DCUN1D3: variants seen among roughly 807,000 people sequenced by gnomAD.
DCUN1D3 encodes the protein DCN1-like protein 3.
In DCUN1D3, 6 loss-of-function variants were observed where a neutral mutation model predicts 24.8. That is an observed-to-expected ratio of 0.24 (90% CI 0.13 to 0.48). The LOEUF (loss-of-function observed/expected upper bound fraction) is 0.48, where lower values mean the gene tolerates loss of function less well. Among genes scored for constraint, DCUN1D3 ranks in the 20% least tolerant of loss-of-function variants. DCUN1D3 has a pLI of 0.99. For synonymous variants in DCUN1D3, 120 were observed against 144.9 expected, an observed-to-expected ratio of 0.83 and a Z score of 1.24; for missense variants, 258 against 379.4, an observed-to-expected ratio of 0.68 and a Z score of 2.66.
intron 1 of DCUN1D3, among the ~76,000 whole-genome samples, chr16:20,869,254 G>A (rs765038273): frequency 3.2e-4 from 49 of 152,374 alleles, no homozygotes; most frequent in Middle Eastern, 3.4e-3. Context: ...ACTCTCAACT[G>A]TGTCTTACAG....
intron 1 of DCUN1D3, among the ~76,000 whole-genome samples, chr16:20,898,450 T>C (rs948659068): frequency 1.3e-5 from 2 of 152,212 alleles, no homozygotes; most frequent in Non-Finnish European, 2.9e-5. Context: ...CCTGAAACAC[T>C]GGCTAGCACT....
intron 1 of DCUN1D3, among the ~76,000 whole-genome samples, chr16:20,891,269 G>A (rs1390616753): frequency 2.0e-5 from 3 of 152,148 alleles, no homozygotes; most frequent in Non-Finnish European, 4.4e-5. Flanking sequence ...TGGGATTACC[G>A]GCGTGAGCCA....
chr16:20,862,743 G>T, intron 1 of DCUN1D3, 100 bp from the exon 2 acceptor site: 1 of 1,173,600 alleles, frequency 8.5e-7, no homozygotes. Flanking sequence ...ATTTCCATGA[G>T]CCAACAACGA....
rs1218992196 is a variant in DCUN1D3 at position 20,858,966 on chromosome 16, C to A, written c.*920G>T. 1 of 144,900 alleles carries A rather than the reference C, an allele frequency of 6.9e-6. No homozygotes were observed. The highest frequency in any genetic ancestry group is 2.6e-5 in the African/African-American group (1 of 38,840). 9.0% of individuals were successfully genotyped at this position (144,900 alleles called of 1,614,324 possible). A position where few individuals can be genotyped will look rare whatever the true frequency, so the allele number is the denominator to read the frequency against. On this transcript the variant is annotated 3_prime_UTR_variant, in exon 3 of 3. Coordinates refer to ENST00000324344, the MANE Select transcript of DCUN1D3 (RefSeq NM_173475.4). ...TTGGCTCCAAGGCAAATGAAACAAA[C>A]AAACAAAAAAAAGTATTTCCACTTA...
chr16:20,869,205 G>A (rs568556148), intron 1 of DCUN1D3, among the ~76,000 whole-genome samples: 2 of 152,360 alleles, frequency 1.3e-5, no homozygotes, highest in East Asian at 3.9e-4. Context: ...GGCAGATCAT[G>A]AAATGACAAC....
At chr16:20,898,659 T>C (rs1160408819) in intron 1 of DCUN1D3, among the ~76,000 whole-genome samples, 1 of 152,208 alleles carries the variant, frequency 6.6e-6, no homozygotes, top group East Asian at 1.9e-4. Context: ...GAATAGGACT[T>C]CCTAGCATCA....
rs186215943 is a variant in DCUN1D3 at position 20,884,866 on chromosome 16, T to C, written c.-106+15338A>G. Among the ~76,000 whole-genome samples the C allele has an allele frequency of 7.9e-5, 12 of 152,268 alleles. No homozygotes were observed. In the East Asian group the frequency reaches 1.5e-3, roughly 20 times the overall value. On this transcript the variant is annotated intron_variant, in intron 1 of 2. Coordinates refer to ENST00000324344, the MANE Select transcript of DCUN1D3 (RefSeq NM_173475.4). Reference sequence around the variant, plus strand: ...TGAAGTTCGAGGTTGCAGGGAACCATGATTAGGCTACTGCACTCAGCCTGG... The same window carrying C: ...TGAAGTTCGAGGTTGCAGGGAACCACGATTAGGCTACTGCACTCAGCCTGG...
At chr16:20,864,547 T>C (rs898389093) in intron 1 of DCUN1D3, among the ~76,000 whole-genome samples, 2 of 148,764 alleles carry the variant, frequency 1.3e-5, no homozygotes, top group African/African-American at 5.0e-5. Context: ...CTGGTGGGAG[T>C]GTAAATTACT....
chr16:20,880,405 G>C (rs1285609474), intron 1 of DCUN1D3, among the ~76,000 whole-genome samples: 2 of 151,932 alleles, frequency 1.3e-5, no homozygotes, highest in African/African-American at 4.8e-5. Context: ...TTCGAGACCA[G>C]CTTGGGCAAC....
intron 1 of DCUN1D3, among the ~76,000 whole-genome samples, chr16:20,892,973 T>C (rs774752190): frequency 6.6e-6 from 1 of 152,156 alleles, no homozygotes. Context: ...ATGAAGAGTT[T>C]GTGACAAAAT....
At chr16:20,883,294 C>CCT (rs2081853559) in intron 1 of DCUN1D3, among the ~76,000 whole-genome samples, 1 of 151,902 alleles carries the variant, frequency 6.6e-6, no homozygotes. Context: ...GGACGGATCA[C>CCT]GAGGTCAGGA....
chr16:20,886,064 G>GGAA (rs1555497633), intron 1 of DCUN1D3, among the ~76,000 whole-genome samples: 13 of 136,518 alleles, frequency 9.5e-5, no homozygotes, highest in African/African-American at 3.1e-4. Flanking sequence ...TTTTTTCATT[G>GGAA]AAAAAAAAAA....
At chr16:20,892,946 G>C (rs961759332) in intron 1 of DCUN1D3, among the ~76,000 whole-genome samples, 3 of 152,070 alleles carry the variant, frequency 2.0e-5, no homozygotes, top group Admixed American at 1.3e-4. Context: ...TTCACTATAG[G>C]GAGTCTTCTT....
intron 1 of DCUN1D3, among the ~76,000 whole-genome samples, chr16:20,871,488 T>C (rs1036651356): frequency 1.1e-4 from 16 of 152,348 alleles, no homozygotes; most frequent in Admixed American, 3.3e-4. Flanking sequence ...TAAAGTCATT[T>C]CTTTTTGAAA....
intron 1 of DCUN1D3, among the ~76,000 whole-genome samples, chr16:20,893,828 G>A (rs942209184): frequency 6.6e-6 from 1 of 152,204 alleles, no homozygotes; most frequent in Non-Finnish European, 1.5e-5. Flanking sequence ...GCTATGACTT[G>A]AGACTCGTTC....
chr16:20,880,512 G>A (rs1481952581), intron 1 of DCUN1D3, among the ~76,000 whole-genome samples: 1 of 144,054 alleles, frequency 6.9e-6, no homozygotes, highest in African/African-American at 2.5e-5. Flanking sequence ...GACTGAGATA[G>A]GAGGATCCCT....
chr16:20,897,162 T>TCAAAGAACA (rs2081919640), intron 1 of DCUN1D3, among the ~76,000 whole-genome samples: 1 of 152,196 alleles, frequency 6.6e-6, no homozygotes, highest in Non-Finnish European at 1.5e-5. Flanking sequence ...GCCAATTCAC[T>TCAAAGAACA]CAAAGAACAC....
intron 1 of DCUN1D3, among the ~76,000 whole-genome samples, chr16:20,879,047 G>A (rs2081829832): frequency 6.6e-6 from 1 of 152,038 alleles, no homozygotes; most frequent in African/African-American, 2.4e-5. Flanking sequence ...TGATATTTGG[G>A]GTAGAAAGAG....
chr16:20,880,604 C>CAAAAAAA (rs34275241), intron 1 of DCUN1D3, among the ~76,000 whole-genome samples: 6 of 51,930 alleles, frequency 1.2e-4, no homozygotes, highest in East Asian at 5.8e-4. Context: ...GACCCTGTCT[C>CAAAAAAA]AAAAAAAAAA....
Sources: gnomAD v4.1 joint callset for allele counts (sites outside exome capture counted in the v4.1 genomes callset) on GRCh38, gnomAD v4.1.1 for gene constraint, MANE v1.5 for transcripts, NCBI Gene and HGNC (gene_info 2026-07-23, HGNC 2026-07-21) for gene names.